TMED9: variants seen among roughly 807,000 people sequenced by gnomAD.
TMED9 encodes the protein transmembrane p24 trafficking protein 9, also known as transmembrane emp24 domain-containing protein 9.
TMED9 carries 22 observed loss-of-function variants against 30.6 expected under a neutral mutation model. That is an observed-to-expected ratio of 0.72 (90% CI 0.51 to 1.03). The LOEUF is 1.03. TMED9 is among the 50% of genes least tolerant of loss of function. The pLI, the probability that TMED9 is intolerant of heterozygous loss-of-function variation, is 0.00. For synonymous variants in TMED9, 146 were observed against 122.8 expected, an observed-to-expected ratio of 1.19 and a Z score of -1.25; for missense variants, 251 against 302.1, an observed-to-expected ratio of 0.83 and a Z score of 1.25.
Position 177,595,181 on chromosome 5 carries a change from G to C in TMED9, c.559-86G>C, listed in dbSNP as rs1581985721. 44 of 1,426,520 alleles carry C rather than the reference G, an allele frequency of 3.1e-5. No individual in the cohort carries two copies. In the East Asian group the frequency reaches 1.1e-3, roughly 36 times the overall value. 88.4% of individuals were successfully genotyped at this position (1,426,520 alleles called of 1,614,324 possible). ...ACTTGGCTGGAACCTGGGCAAAGCT[G>C]GCTGACCTTGGGCATCCTCTTGGTC... On this transcript the variant is annotated intron_variant, in intron 4 of 4. Coordinates refer to ENST00000332598, the MANE Select transcript of TMED9 (RefSeq NM_017510.6).
chr5:177,594,238 C>G lies in TMED9; in HGVS notation c.511C>G (p.Leu171Val). 1 of 1,614,202 alleles carries G rather than the reference C, an allele frequency of 6.2e-7. No individual in the cohort carries two copies. Among genetic ancestry groups the G allele is most frequent in the Non-Finnish European group, 8.5e-7 (1 of 1,180,036 alleles). Reference sequence around the variant, plus strand: ...TGAGTTGCAGCTACGAGTGCGACAGCTGGTGGAACAAGTGGAGCAGATCCA... The same window carrying G: ...TGAGTTGCAGCTACGAGTGCGACAGGTGGTGGAACAAGTGGAGCAGATCCA... Reference protein sequence around the residue: ...LSELQLRVRQLVEQVEQIQKE... With the variant: ...LSELQLRVRQVVEQVEQIQKE... The change falls in exon 4 of 5, where the codon CTG (leucine) becomes GTG (valine). Residue 171 changes from leucine (L) to valine (V), a missense_variant. Leu to Val is a conservative substitution (Grantham distance 32). This residue lies in a region of TMED9 where 153 missense variants were observed against 239.6 expected (regional missense o/e 0.64). Coordinates refer to ENST00000332598, the MANE Select transcript of TMED9 (RefSeq NM_017510.6).
chr5:177,595,178 G>A, intron 4 of TMED9, 89 bp from the exon 5 acceptor site: 1 of 1,422,690 alleles, frequency 7.0e-7, no homozygotes, highest in South Asian at 1.5e-5. Context: ...CCTGGGCAAA[G>A]CTGGCTGACC....
At chr5:177,594,354 A>C in intron 4 of TMED9, 69 bp downstream of exon 4, 2 of 1,568,218 alleles carry the variant, frequency 1.3e-6, no homozygotes, top group Non-Finnish European at 1.7e-6. Context: ...CAGGAATTTC[A>C]CATTAAATTC....
rs759998436 is a variant in TMED9 at position 177,592,353 on chromosome 5, A to C, written c.139A>C (p.Lys47Gln). ...CTACTTTCACATCGGAGAGACGGAGAAGAAGTGCTTTATTGAGGAGATCCC... is the reference window on the plus strand; with the variant it reads ...CTACTTTCACATCGGAGAGACGGAGCAGAAGTGCTTTATTGAGGAGATCCC... ...ALYFHIGETE[K>Q]KCFIEEIPDE... Residue 47 changes from lysine (K) to glutamine (Q), a missense_variant, in exon 1 of 5, where the codon AAG (lysine) becomes CAG (glutamine). By Grantham distance (53) the Lys-to-Gln change is moderately conservative. Transcript: ENST00000332598. The C allele has an allele frequency of 3.7e-6, 6 of 1,605,512 alleles. No homozygotes were observed. Among genetic ancestry groups the C allele is most frequent in the Non-Finnish European group, 4.3e-6 (5 of 1,176,198 alleles).
chr5:177,592,909 A>C (rs1354820073), intron 2 of TMED9, among the ~76,000 whole-genome samples: 1 of 152,214 alleles, frequency 6.6e-6, no homozygotes, highest in East Asian at 1.9e-4. Context: ...TTCACAGAAC[A>C]TGATACTTTC....
intron 2 of TMED9, chr5:177,593,094 C>T (rs1409221998): frequency 6.4e-6 from 1 of 156,320 alleles, no homozygotes; most frequent in Non-Finnish European, 1.4e-5. Context: ...CACTTGAGGC[C>T]GGGAGTTCAG....
rs144657555 is a variant in TMED9 at position 177,597,051 on chromosome 5, G to T, written c.*1635G>T. On this transcript the variant is annotated 3_prime_UTR_variant, in exon 5 of 5. Coordinates refer to ENST00000332598, the MANE Select transcript of TMED9 (RefSeq NM_017510.6). ...CAGGAAGAAGGAGACAAGTTTGGGG[G>T]CTGCTTCCCCTAATGGGATGATGCA... Among the ~76,000 whole-genome samples the T allele has an allele frequency of 6.6e-6, 1 of 152,114 alleles. No individual in the cohort carries two copies. Among genetic ancestry groups the T allele is most frequent in the Admixed American group, 6.6e-5 (1 of 15,262 alleles).
At chr5:177,592,445 C>G (rs775934832) in intron 1 of TMED9, 47 bp downstream of exon 1, 3 of 1,563,460 alleles carry the variant, frequency 1.9e-6, no homozygotes, top group Non-Finnish European at 2.6e-6. Flanking sequence ...TGACCGTGGT[C>G]TTGGGGCGGG....
At chr5:177,593,153 T>TA in intron 2 of TMED9, 1 of 7,780 alleles carries the variant, frequency 1.3e-4, no homozygotes, top group South Asian at 4.3e-3. Context: ...CTAGTAAAAA[T>TA]ACAAAAAAAA....
chr5:177,593,449 T>A, intron 2 of TMED9: 1 of 574,754 alleles, frequency 1.7e-6, no homozygotes, highest in East Asian at 2.9e-5. Context: ...AATGTCAGAC[T>A]CTCAGAGTCT....
chr5:177,593,594 T>C, intron 2 of TMED9, 56 bp from the exon 3 acceptor site: 8 of 1,608,032 alleles, frequency 5.0e-6, no homozygotes, highest in Non-Finnish European at 6.8e-6. Context: ...AAGCACTGTT[T>C]TCCTCCATTC....
intron 3 of TMED9, 42 bp downstream of exon 3, chr5:177,593,817 C>T: frequency 6.2e-7 from 1 of 1,611,152 alleles, no homozygotes. Context: ...CAGCCTTCAT[C>T]CTTTGGTGAG....
rs749687717 is a variant in TMED9, at chr5:177,594,226, C to T, written c.499C>T (p.Arg167Ter). ...AKDKLSELQL[R>*]VRQLVEQVEQ... Reference sequence around the variant, plus strand: ...AGACAAGTTGAGTGAGTTGCAGCTACGAGTGCGACAGCTGGTGGAACAAGT... The same window carrying T: ...AGACAAGTTGAGTGAGTTGCAGCTATGAGTGCGACAGCTGGTGGAACAAGT... The change falls in exon 4 of 5, where the codon CGA becomes TGA. Residue 167 changes from arginine to a stop codon, truncating the protein, a stop_gained. Transcript: ENST00000332598. LOFTEE classifies it high-confidence loss of function. The T allele has an allele frequency of 5.0e-6, 8 of 1,614,058 alleles. No homozygotes were observed. Among genetic ancestry groups the T allele is most frequent in the East Asian group, 2.2e-5 (1 of 44,900 alleles).
chr5:177,593,941 C>A, intron 3 of TMED9, 166 bp downstream of exon 3: 1 of 1,203,774 alleles, frequency 8.3e-7, no homozygotes, highest in Non-Finnish European at 1.2e-6. Context: ...GCTCTTTGTA[C>A]ATGCCTCACT....
At chr5:177,592,696 C>T in intron 2 of TMED9, 21 bp downstream of exon 2, 2 of 1,543,646 alleles carry the variant, frequency 1.3e-6, no homozygotes, top group East Asian at 2.4e-5. Context: ...CGCCCCCCTC[C>T]TCTCCGCCAG....
At chr5:177,592,525 C>T in intron 1 of TMED9, 50 bp from the exon 2 acceptor site, 1 of 1,578,202 alleles carries the variant, frequency 6.3e-7, no homozygotes, top group Non-Finnish European at 8.6e-7. Context: ...GTCGCGGAAC[C>T]CATGCCACCT....
At chr5:177,593,605 C>G (rs376187287) in intron 2 of TMED9, 45 bp from the exon 3 acceptor site, 5 of 1,611,542 alleles carry the variant, frequency 3.1e-6, no homozygotes, top group African/African-American at 2.7e-5. Context: ...TCCTCCATTC[C>G]CATCCCTACC....
rs1314130190 is a variant in TMED9 at position 177,592,565 on chromosome 5, T to G, written c.185-10T>G. 1.2e-6 allele frequency: 2 copies of G among 1,611,052 alleles called. No homozygotes were observed. Among genetic ancestry groups the G allele is most frequent in the Non-Finnish European group, 1.7e-6 (2 of 1,178,614 alleles). On this transcript the variant is annotated splice_polypyrimidine_tract_variant and intron_variant, in intron 1 of 4. Transcript: ENST00000332598. ...CTCCTCTGACCTGGGCTCGCCCTGC[T>G]TCCCTCAAGGAAACTACCGGACGCA...
In TMED9 at chr5:177,596,689, G is replaced by C. The variant is rs757955556; in HGVS notation, c.*1273G>C. Among the ~76,000 whole-genome samples, 1 of 152,132 alleles carries C rather than the reference G, an allele frequency of 6.6e-6. No individual in the cohort carries two copies. Among genetic ancestry groups the C allele is most frequent in the Non-Finnish European group, 1.5e-5 (1 of 68,022 alleles). ...AGGAAGGTTGGATTAGAGAAGCCTC[G>C]AGCTCCAGGTAAGCGATTTGGACAT... On this transcript the variant is annotated 3_prime_UTR_variant, in exon 5 of 5. Transcript: ENST00000332598.
Sources: allele counts gnomAD v4.1 joint callset (sites outside exome capture counted in the v4.1 genomes callset), GRCh38; gene constraint gnomAD v4.1.1; regional missense constraint gnomAD v4.1.1; transcripts MANE v1.5; gene names NCBI Gene and HGNC (gene_info 2026-07-23, HGNC 2026-07-21).